Variants in BICD1 observed in about 807,000 individuals in gnomAD.
The protein encoded by BICD1 is BICD cargo adaptor 1.
In BICD1, 35 loss-of-function variants were observed where a neutral mutation model predicts 92.5. The observed-to-expected ratio is 0.38, with a 90% CI of 0.29 to 0.50. The LOEUF is 0.50. BICD1 is among the 20% of genes least tolerant of loss of function. The pLI is 0.93. For synonymous variants in BICD1, 429 were observed against 465.1 expected (o/e 0.92, Z 1.00); for missense variants, 950 against 1,189.8 (o/e 0.80, Z 2.97).
intron 1 of BICD1, among the ~76,000 whole-genome samples, chr12:32,197,640 G>A (rs956858471): frequency 6.6e-6 from 1 of 152,106 alleles, no homozygotes; most frequent in Non-Finnish European, 1.5e-5. Context: ...ATAGCTTAAG[G>A]CTATGACTGT....
At chr12:32,371,571 T>C (rs1241930087) in intron 9 of BICD1, among the ~76,000 whole-genome samples, 1 of 152,050 alleles carries the variant, frequency 6.6e-6, no homozygotes, top group Admixed American at 6.6e-5. Context: ...TGGTTTAGTT[T>C]TTTGGCGTTT....
chr12:32,257,220 A>AAG (rs1291789995), intron 2 of BICD1, among the ~76,000 whole-genome samples: 1 of 151,930 alleles, frequency 6.6e-6, no homozygotes, highest in African/African-American at 2.4e-5. Flanking sequence ...TCAAAAAAAA[A>AAG]AAAAAAAAAA....
At chr12:32,188,900 G>A (rs971019327) in intron 1 of BICD1, among the ~76,000 whole-genome samples, 26 of 152,074 alleles carry the variant, frequency 1.7e-4, no homozygotes, top group Admixed American at 1.6e-3. Flanking sequence ...GCTAATTTTT[G>A]TATGTTTTTA....
intron 3 of BICD1, among the ~76,000 whole-genome samples, chr12:32,294,417 G>T (rs998748362): frequency 6.6e-6 from 1 of 152,006 alleles, no homozygotes; most frequent in Non-Finnish European, 1.5e-5. Flanking sequence ...TATTTCATAA[G>T]TCAAATGTAT....
intron 1 of BICD1, among the ~76,000 whole-genome samples, chr12:32,189,076 A>G (rs889816738): frequency 1.1e-4 from 16 of 152,158 alleles, no homozygotes; most frequent in African/African-American, 3.9e-4. Flanking sequence ...TCAAATTTAT[A>G]ATTTTTATTT....
At chr12:32,377,167 A>G (rs1369993790) in intron 9 of BICD1, among the ~76,000 whole-genome samples, 2 of 152,196 alleles carry the variant, frequency 1.3e-5, no homozygotes, top group African/African-American at 2.4e-5. Context: ...CATGCATATT[A>G]AAGTTTGAAA....
chr12:32,224,124 T>C (rs1174344617), intron 2 of BICD1, among the ~76,000 whole-genome samples: 1 of 152,228 alleles, frequency 6.6e-6, no homozygotes, highest in African/African-American at 2.4e-5. Flanking sequence ...CATTGGGAGC[T>C]GTGGTTACAC....
At chr12:32,217,824 C>G (rs947045241) in intron 2 of BICD1, among the ~76,000 whole-genome samples, 1 of 152,140 alleles carries the variant, frequency 6.6e-6, no homozygotes, top group East Asian at 1.9e-4. Context: ...TCATGTGGAG[C>G]CAAAGCCCAC....
At position 32,232,299 on chromosome 12, in the gene BICD1, A is replaced by G. The variant is rs1945915721; in HGVS notation, c.426+15840A>G. ...GCCATTCTAACTGGTGTGAGATGGT[A>G]TCTCACTGTGGTTTTGATTTGCATT... is the stretch of plus-strand genomic sequence containing the variant. On this transcript the variant is annotated intron_variant, in intron 2 of 9. Coordinates refer to ENST00000652176, the MANE Select transcript of BICD1 (RefSeq NM_001714.4). Among the ~76,000 whole-genome samples, 8 of 150,650 alleles carry G rather than the reference A, an allele frequency of 5.3e-5. No homozygotes were observed. The South Asian group carries it at 1.3e-3, about 24-fold the overall frequency.
At position 32,277,433 on chromosome 12, in the gene BICD1, C is replaced by T. The variant is rs558170830; in HGVS notation, c.427-16561C>T. ...AACAGTAACAGTTACTTCTCTGAAG[C>T]TATTATTTTTTATCCTGTTACATAT... On this transcript the variant is annotated intron_variant, in intron 2 of 9. Coordinates refer to ENST00000652176, the MANE Select transcript of BICD1 (RefSeq NM_001714.4). 2.3e-3 allele frequency among the ~76,000 whole-genome samples: 354 copies of T among 152,264 alleles called. 2 individuals are homozygous for T. The highest frequency in any genetic ancestry group is 8.2e-3 in the African/African-American group (340 of 41,546).
chr12:32,268,799 T>G (rs1057038722), intron 2 of BICD1, among the ~76,000 whole-genome samples: 3 of 151,994 alleles, frequency 2.0e-5, no homozygotes, highest in African/African-American at 7.2e-5. Context: ...ATAAATGAAA[T>G]GAAAATAAAA....
rs557159634 is a variant in BICD1 at position 32,291,838 on chromosome 12, T to A, written c.427-2156T>A. ...GGGTGACAGAGTGAGAACATGTCTT[T>A]AAAAAAAAAAAATCTGTGGACTATG... On this transcript the variant is annotated intron_variant, in intron 2 of 9. Transcript: ENST00000652176. 1.2e-4 allele frequency among the ~76,000 whole-genome samples: 17 copies of A among 147,056 alleles called. 1 individual carries two copies. The East Asian group carries it at 2.8e-3, about 24-fold the overall frequency.
intron 1 of BICD1, among the ~76,000 whole-genome samples, chr12:32,197,596 G>C (rs1184038885): frequency 6.6e-6 from 1 of 152,122 alleles, no homozygotes; most frequent in African/African-American, 2.4e-5. Context: ...TATAAAGGAG[G>C]GAGAACAATT....
chr12:32,110,933 C>CTA (rs1356645035), intron 1 of BICD1, among the ~76,000 whole-genome samples: 2 of 151,616 alleles, frequency 1.3e-5, no homozygotes, highest in Non-Finnish European at 2.9e-5. Flanking sequence ...CACATGTATA[C>CTA]ATATGTAACT....
chr12:32,162,867 T>G (rs1368640986), intron 1 of BICD1, among the ~76,000 whole-genome samples: 1 of 152,080 alleles, frequency 6.6e-6, no homozygotes, highest in African/African-American at 2.4e-5. Context: ...GTGCCTGTGG[T>G]CCCAGCTACT....
At chr12:32,338,633 GAAACTAAAAAAAA>G in intron 7 of BICD1, 140 bp from the exon 8 acceptor site, 1 of 615,578 alleles carries the variant, frequency 1.6e-6, no homozygotes, top group Non-Finnish European at 2.5e-6. Context: ...TCCTGATGTG[GAAACTAAAAAAAA>G]AAAAAGCAAA....
At chr12:32,319,979 A>G (rs1948606014) in intron 4 of BICD1, among the ~76,000 whole-genome samples, 1 of 152,176 alleles carries the variant, frequency 6.6e-6, no homozygotes, top group Admixed American at 6.6e-5. Context: ...TTTTCACCAC[A>G]CACTCTAAAG....
intron 2 of BICD1, among the ~76,000 whole-genome samples, chr12:32,277,227 C>T (rs1244826289): frequency 6.6e-6 from 1 of 152,140 alleles, no homozygotes; most frequent in African/African-American, 2.4e-5. Context: ...AACCCCATGT[C>T]TACTAAAAAT....
intron 2 of BICD1, among the ~76,000 whole-genome samples, chr12:32,241,283 C>A (rs1270002900): frequency 6.6e-6 from 1 of 152,190 alleles, no homozygotes; most frequent in African/African-American, 2.4e-5. Flanking sequence ...GCAAACACTG[C>A]TGGGAATAGC....
Sources: gnomAD v4.1 joint callset for allele counts (sites outside exome capture counted in the v4.1 genomes callset) on GRCh38, gnomAD v4.1.1 for gene constraint, MANE v1.5 for transcripts, NCBI Gene and HGNC (gene_info 2026-07-23, HGNC 2026-07-21) for gene names.